Variants in PRIM2 observed in about 807,000 individuals in gnomAD.
PRIM2 encodes the protein DNA primase subunit 2.
In PRIM2, 39 loss-of-function variants were observed where a neutral mutation model predicts 67.3. The observed-to-expected ratio is 0.58, with a 90% CI of 0.45 to 0.76. PRIM2 has a LOEUF of 0.76. Among genes scored for constraint, PRIM2 ranks in the 30% least tolerant of loss-of-function variants. The pLI is 0.00. For missense variants in PRIM2, 398 were observed against 598.7 expected (o/e 0.66, Z 3.50); for synonymous variants, 143 against 198.7 (o/e 0.72, Z 2.36).
intron 10 of PRIM2, among the ~76,000 whole-genome samples, chr6:57,595,107 A>G (rs1776343214): frequency 6.6e-6 from 1 of 152,238 alleles, no homozygotes; most frequent in Non-Finnish European, 1.5e-5. Flanking sequence ...AATATTGATC[A>G]TACCAAATGT....
At chr6:57,382,218 A>T (rs752651622) in intron 7 of PRIM2, 50 bp downstream of exon 7, 1 of 1,581,218 alleles carries the variant, frequency 6.3e-7, no homozygotes, top group Non-Finnish European at 8.6e-7. Flanking sequence ...ACTTTCAGTT[A>T]TATACCCCTG....
rs552927143 is a variant in PRIM2, at chr6:57,447,908, C to T, written c.694-59479C>T. ...AAATTCTGTATTTGGGATGCATAAC[C>T]TTTTGTTTTTGGTATTATCCTAATA... On this transcript the variant is annotated intron_variant, in intron 7 of 13. Transcript: ENST00000615550. Among the ~76,000 whole-genome samples the T allele has an allele frequency of 3.9e-5, 6 of 152,238 alleles. No individual in the cohort carries two copies. In the South Asian group the frequency reaches 1.0e-3, roughly 26 times the overall value.
intron 12 of PRIM2, among the ~76,000 whole-genome samples, chr6:57,619,397 A>G (rs1468865571): frequency 2.6e-5 from 4 of 152,182 alleles, no homozygotes; most frequent in South Asian, 2.1e-4. Flanking sequence ...TTCACCAGCA[A>G]TCGATCCAAA....
chr6:57,385,440 A>C (rs574526314), intron 7 of PRIM2, among the ~76,000 whole-genome samples: 6 of 152,326 alleles, frequency 3.9e-5, no homozygotes, highest in Middle Eastern at 3.4e-3. Context: ...TCCCAGCCTG[A>C]TGTCTTGGCA....
chr6:57,456,949 C>T (rs1054337613), intron 7 of PRIM2, among the ~76,000 whole-genome samples: 2 of 152,108 alleles, frequency 1.3e-5, no homozygotes, highest in African/African-American at 4.8e-5. Flanking sequence ...ATGATGGTGA[C>T]GTACAGATGG....
In PRIM2 at chr6:57,517,448, C is replaced by G. The variant is rs1217972687; in HGVS notation, c.761+9994C>G. Among the ~76,000 whole-genome samples the G allele has an allele frequency of 3.9e-3, 592 of 152,152 alleles. 3 individuals are homozygous for G. Among genetic ancestry groups the G allele is most frequent in the African/African-American group, 0.013 (558 of 41,500 alleles). On this transcript the variant is annotated intron_variant, in intron 8 of 13. Transcript: ENST00000615550. ...GTGTTCTATACCTGTACTGTTTAAT[C>G]CAGTAGCCAATAGCCACTTACGGCT...
the PRIM2 span, among the ~76,000 whole-genome samples, chr6:57,237,475 C>T: frequency 1.2e-4 from 18 of 152,280 alleles, no homozygotes; most frequent in South Asian, 2.9e-3. Context: ...GTGTTTTAGA[C>T]GTGAAGTCCT....
chr6:57,410,485 C>T (rs7744496), intron 7 of PRIM2, among the ~76,000 whole-genome samples: 2 of 152,100 alleles, frequency 1.3e-5, no homozygotes, highest in Non-Finnish European at 2.9e-5. Flanking sequence ...GTCCTTGTAA[C>T]AGTATCACTC....
the PRIM2 span, among the ~76,000 whole-genome samples, chr6:57,303,147 G>A: frequency 6.6e-6 from 1 of 152,168 alleles, no homozygotes; most frequent in East Asian, 1.9e-4. Context: ...CCACATAAAA[G>A]CCAAATACAT....
chr6:57,548,020 T>C (rs1283580175), intron 10 of PRIM2, among the ~76,000 whole-genome samples: 1 of 152,202 alleles, frequency 6.6e-6, no homozygotes, highest in Non-Finnish European at 1.5e-5. Flanking sequence ...GGCCCACAAT[T>C]GGTGGTTTAA....
At chr6:57,222,696 A>G in the PRIM2 span, among the ~76,000 whole-genome samples, 1 of 152,244 alleles carries the variant, frequency 6.6e-6, no homozygotes, top group East Asian at 1.9e-4. Context: ...TTAATTATTC[A>G]GAGAAGCGAA....
the PRIM2 span, among the ~76,000 whole-genome samples, chr6:57,230,806 T>G: frequency 3.9e-5 from 6 of 152,186 alleles, no homozygotes; most frequent in African/African-American, 7.2e-5. Context: ...TAAATCTACA[T>G]CCTTTGTGCC....
At chr6:57,410,556 T>C (rs1308421771) in intron 7 of PRIM2, among the ~76,000 whole-genome samples, 2 of 152,042 alleles carry the variant, frequency 1.3e-5, no homozygotes, top group Admixed American at 1.3e-4. Context: ...GTGTTTCAAT[T>C]TTGATCTTTT....
At chr6:57,397,564 C>T (rs1398342660) in intron 7 of PRIM2, among the ~76,000 whole-genome samples, 1 of 151,938 alleles carries the variant, frequency 6.6e-6, no homozygotes, top group African/African-American at 2.4e-5. Context: ...AATATTTCCC[C>T]CTTCACTTCT....
intron 7 of PRIM2, among the ~76,000 whole-genome samples, chr6:57,446,022 A>G (rs1159795076): frequency 6.6e-6 from 1 of 152,240 alleles, no homozygotes; most frequent in Non-Finnish European, 1.5e-5. Flanking sequence ...TGGTCTTTCT[A>G]GTTCTGTAGT....
chr6:57,610,180 C>T (rs1322302922), intron 12 of PRIM2, among the ~76,000 whole-genome samples: 4 of 152,040 alleles, frequency 2.6e-5, no homozygotes, highest in Non-Finnish European at 5.9e-5. Context: ...GTGATTCTCC[C>T]GCCTCAGCAT....
chr6:57,497,812 T>C (rs1399722108), intron 7 of PRIM2: 1 of 152,138 alleles, frequency 6.6e-6, no homozygotes, highest in African/African-American at 2.4e-5. Flanking sequence ...CAAAAAGTGC[T>C]GTGGGCATTT....
intron 7 of PRIM2, among the ~76,000 whole-genome samples, chr6:57,441,006 A>C (rs1772187361): frequency 6.6e-6 from 1 of 152,134 alleles, no homozygotes; most frequent in Non-Finnish European, 1.5e-5. Context: ...TGACTTAGCA[A>C]CTGTGAAAGC....
intron 10 of PRIM2, among the ~76,000 whole-genome samples, chr6:57,538,798 G>A (rs1385362073): frequency 6.6e-6 from 1 of 152,098 alleles, no homozygotes; most frequent in Non-Finnish European, 1.5e-5. Flanking sequence ...TGCTCACATG[G>A]CCTTTTCTCT....
Sources: allele counts gnomAD v4.1 joint callset (sites outside exome capture counted in the v4.1 genomes callset), GRCh38; gene constraint gnomAD v4.1.1; transcripts MANE v1.5; gene names NCBI Gene and HGNC (gene_info 2026-07-23, HGNC 2026-07-21).